Variants in PPP1R1C observed in about 807,000 individuals in gnomAD.
The protein encoded by PPP1R1C is protein phosphatase 1 regulatory subunit 1C.
A neutral mutation model predicts 17.4 loss-of-function variants in PPP1R1C; 15 were observed. That is an observed-to-expected ratio of 0.86 (90% CI 0.58 to 1.33). The LOEUF (loss-of-function observed/expected upper bound fraction) is 1.33, where lower values mean the gene tolerates loss of function less well. PPP1R1C is among the 40% of genes most tolerant of loss of function. PPP1R1C has a pLI of 0.00. For missense variants in PPP1R1C, 143 were observed against 130.0 expected, an observed-to-expected ratio of 1.10 and a Z score of -0.48; for synonymous variants, 35 against 43.1, an observed-to-expected ratio of 0.81 and a Z score of 0.73.
chr2:182,062,238 CT>C (rs933947447), intron 3 of PPP1R1C, among the ~76,000 whole-genome samples: 1 of 152,050 alleles, frequency 6.6e-6, no homozygotes, highest in Admixed American at 6.6e-5. Context: ...TATCACAAGA[CT>C]TTTCTGAAAA....
chr2:181,997,001 G>A (rs968870495), intron 2 of PPP1R1C, among the ~76,000 whole-genome samples: 3 of 151,726 alleles, frequency 2.0e-5, no homozygotes, highest in Admixed American at 6.6e-5. Flanking sequence ...AGGCCGAGGC[G>A]GGCGGATCAC....
At position 182,112,568 on chromosome 2, in the gene PPP1R1C, A is replaced by G. The variant is rs145109697; in HGVS notation, c.242-4639A>G. On this transcript the variant is annotated intron_variant, in intron 4 of 4. Transcript: ENST00000682840. ...TCGGAACCCAGGTAAAGAGCCCCCA[A>G]TAGGAGTTAAGGGCCAAAGTTTGTG... 4.8e-3 allele frequency among the ~76,000 whole-genome samples: 734 copies of G among 152,292 alleles called. 6 individuals are homozygous for G. Among genetic ancestry groups the G allele is most frequent in the South Asian group, 0.041 (196 of 4,826 alleles).
intron 2 of PPP1R1C, among the ~76,000 whole-genome samples, chr2:182,050,534 A>T (rs1687480850): frequency 6.6e-6 from 1 of 152,084 alleles, no homozygotes; most frequent in South Asian, 2.1e-4. Flanking sequence ...TTCATGTGTT[A>T]ATTCTGAACA....
chr2:182,068,179 C>A (rs1688041793), intron 4 of PPP1R1C, among the ~76,000 whole-genome samples: 1 of 152,156 alleles, frequency 6.6e-6, no homozygotes, highest in South Asian at 2.1e-4. Context: ...CAGGATTAGC[C>A]TGTCTCACTT....
chr2:182,033,347 A>G (rs1038816214), intron 2 of PPP1R1C, among the ~76,000 whole-genome samples: 2 of 152,134 alleles, frequency 1.3e-5, no homozygotes, highest in Admixed American at 6.5e-5. Flanking sequence ...TAACTTTCAA[A>G]TCAGTGTCTT....
At chr2:181,979,757 T>C (rs954705391) in intron 2 of PPP1R1C, among the ~76,000 whole-genome samples, 2 of 152,250 alleles carry the variant, frequency 1.3e-5, no homozygotes, top group African/African-American at 4.8e-5. Flanking sequence ...ATGGAGCCTG[T>C]CTCTATGTAA....
chr2:181,997,940 T>C (rs1340400425), intron 2 of PPP1R1C, among the ~76,000 whole-genome samples: 1 of 152,230 alleles, frequency 6.6e-6, no homozygotes, highest in Non-Finnish European at 1.5e-5. Context: ...GTCTTAAATA[T>C]AGCAATGTTT....
chr2:182,043,591 A>G (rs1198678417), intron 2 of PPP1R1C, among the ~76,000 whole-genome samples: 3 of 152,128 alleles, frequency 2.0e-5, no homozygotes, highest in Non-Finnish European at 2.9e-5. Context: ...TGTGCCACTC[A>G]TGTAAATGTG....
At chr2:182,063,975 G>A (rs1028939624) in intron 4 of PPP1R1C, 184 bp downstream of exon 4, 1 of 472,280 alleles carries the variant, frequency 2.1e-6, no homozygotes, top group Non-Finnish European at 3.8e-6. Flanking sequence ...AGTAAAATAT[G>A]GGGTTGAAAA....
chr2:182,015,921 G>T (rs1362244712), intron 2 of PPP1R1C, among the ~76,000 whole-genome samples: 3 of 152,174 alleles, frequency 2.0e-5, no homozygotes, highest in South Asian at 4.1e-4. Context: ...GCCCTGGCTG[G>T]TATCTCACTA....
At chr2:182,008,778 C>T (rs1267385868) in intron 2 of PPP1R1C, among the ~76,000 whole-genome samples, 4 of 152,078 alleles carry the variant, frequency 2.6e-5, no homozygotes, top group Non-Finnish European at 4.4e-5. Flanking sequence ...ATTCATTCTC[C>T]GTTTAGTCCC....
chr2:182,128,714 T>A (rs1689936220), intron 5 of PPP1R1C, among the ~76,000 whole-genome samples: 1 of 152,136 alleles, frequency 6.6e-6, no homozygotes, highest in African/African-American at 2.4e-5. Flanking sequence ...CTTTTAAAAC[T>A]TCCCTTTAGA....
At position 181,962,274 on chromosome 2, in the gene PPP1R1C, C is replaced by T; in HGVS notation, n.111+7640C>T. On this transcript the variant is annotated intron_variant and non_coding_transcript_variant, in intron 1 of 5. Transcript: ENST00000464264. This position sits in a 1 kb window ranked among gnomAD's most constrained non-coding sequence, Gnocchi z 6.0. ...ATGCCTCCCATTCCTGCCAGACCCC[C>T]GGCCATCCCCGCGGCCAGGTCCCCG... is the stretch of plus-strand genomic sequence containing the variant. 3 of 737,664 alleles carry T rather than the reference C, an allele frequency of 4.1e-6. No individual in the cohort carries two copies. Among genetic ancestry groups the T allele is most frequent in the South Asian group, 1.5e-5 (1 of 65,774 alleles). The allele number at this position is 737,664 out of a possible 1,614,324, so 45.7% of individuals were successfully genotyped here. A position where few individuals can be genotyped will look rare whatever the true frequency, so the allele number is the denominator to read the frequency against.
In PPP1R1C at chr2:182,094,058, A is replaced by G. The variant is rs368052551; in HGVS notation, c.242-23149A>G. 2.6e-5 allele frequency among the ~76,000 whole-genome samples: 4 copies of G among 152,310 alleles called. No individual in the cohort carries two copies. The East Asian group carries it at 5.8e-4, about 22-fold the overall frequency. Reference sequence around the variant, plus strand: ...GATGAAGACATACCAGAGACTGGGCAATTTACAAAAGAAAGTCATGATCTT... The same window carrying G: ...GATGAAGACATACCAGAGACTGGGCGATTTACAAAAGAAAGTCATGATCTT... On this transcript the variant is annotated intron_variant, in intron 4 of 4. Coordinates refer to ENST00000682840, the MANE Select transcript of PPP1R1C (RefSeq NM_001080545.3).
At chr2:182,042,382 A>G (rs1687211577) in intron 2 of PPP1R1C, among the ~76,000 whole-genome samples, 1 of 152,204 alleles carries the variant, frequency 6.6e-6, no homozygotes, top group Non-Finnish European at 1.5e-5. Context: ...AAGCAAGAAT[A>G]AGTGAGAGAA....
rs567017025 is a variant in PPP1R1C, at chr2:182,007,985, G to A, written c.142+20086G>A. On this transcript the variant is annotated intron_variant, in intron 2 of 4. Coordinates refer to ENST00000682840, the MANE Select transcript of PPP1R1C (RefSeq NM_001080545.3). Reference sequence around the variant, plus strand: ...CGGGAGGCTGAGGCAGGAGAATGGCGTGAACCTAGGAGGTGGAGCTTGCAG... The same window carrying A: ...CGGGAGGCTGAGGCAGGAGAATGGCATGAACCTAGGAGGTGGAGCTTGCAG... Among the ~76,000 whole-genome samples, 8 of 152,064 alleles carry A rather than the reference G, an allele frequency of 5.3e-5. No homozygotes were observed. In the South Asian group the frequency reaches 8.3e-4, roughly 16 times the overall value.
At chr2:182,027,274 T>A (rs1559062046) in intron 2 of PPP1R1C, among the ~76,000 whole-genome samples, 1 of 130,044 alleles carries the variant, frequency 7.7e-6, no homozygotes, top group Non-Finnish European at 1.6e-5. Flanking sequence ...AGAGAGGGCA[T>A]CCCTGTCTTG....
chr2:181,983,597 T>C (rs1685234254), upstream of PPP1R1C, among the ~76,000 whole-genome samples: 1 of 152,218 alleles, frequency 6.6e-6, no homozygotes. Flanking sequence ...GAATTTAGCT[T>C]TAAAAGGACT....
upstream of PPP1R1C, among the ~76,000 whole-genome samples, chr2:181,982,381 C>T (rs1016314384): frequency 7.2e-5 from 11 of 152,244 alleles, no homozygotes; most frequent in African/African-American, 1.9e-4. Context: ...GAACACCTTA[C>T]GTTTCTTGAT....
Sources: allele counts gnomAD v4.1 joint callset (sites outside exome capture counted in the v4.1 genomes callset), GRCh38; gene constraint gnomAD v4.1.1; non-coding constraint Gnocchi (gnomAD v3.1); transcripts MANE v1.5; gene names NCBI Gene and HGNC (gene_info 2026-07-23, HGNC 2026-07-21).